Variants in DTNBP1 observed in about 807,000 individuals in gnomAD.
DTNBP1 encodes dysbindin.
A neutral mutation model predicts 42.8 loss-of-function variants in DTNBP1; 35 were observed. That is an observed-to-expected ratio of 0.82 (90% CI 0.63 to 1.09). The LOEUF (loss-of-function observed/expected upper bound fraction) is 1.09. Among genes scored for constraint, DTNBP1 ranks in the 50% least tolerant of loss-of-function variants. The probability of loss-of-function intolerance (pLI) is 0.00; values close to 1 mark genes in which losing one functional copy is unlikely to be tolerated. For missense variants in DTNBP1, 457 were observed against 424.2 expected, an observed-to-expected ratio of 1.08 and a Z score of -0.68; for synonymous variants, 171 against 162.2, an observed-to-expected ratio of 1.05 and a Z score of -0.41.
intron 7 of DTNBP1, among the ~76,000 whole-genome samples, chr6:15,543,957 T>C (rs920115607): frequency 1.3e-5 from 2 of 152,230 alleles, no homozygotes; most frequent in Admixed American, 1.3e-4. Context: ...TTGTCTGGTG[T>C]GCTCTCGCCA....
intron 7 of DTNBP1, among the ~76,000 whole-genome samples, chr6:15,536,927 T>C (rs1387614543): frequency 1.3e-5 from 2 of 152,216 alleles, no homozygotes; most frequent in Admixed American, 6.5e-5. Flanking sequence ...GCTTTAAGAT[T>C]TAATGACTGC....
intron 8 of DTNBP1, among the ~76,000 whole-genome samples, chr6:15,530,573 C>G (rs537700387): frequency 6.6e-6 from 1 of 152,274 alleles, no homozygotes; most frequent in African/African-American, 2.4e-5. Flanking sequence ...TGTGGAGCAA[C>G]TGCAGTACGT....
chr6:15,599,224 A>G (rs756671651), intron 6 of DTNBP1, among the ~76,000 whole-genome samples: 15 of 152,214 alleles, frequency 9.9e-5, no homozygotes, highest in Non-Finnish European at 1.8e-4. Context: ...GAAAGATGAG[A>G]CAGGGGTAAG....
intron 4 of DTNBP1, among the ~76,000 whole-genome samples, chr6:15,631,484 A>G (rs1759691584): frequency 1.3e-5 from 2 of 152,226 alleles, no homozygotes; most frequent in East Asian, 3.8e-4. Context: ...CATGGGATTC[A>G]TACATATTGA....
intron 7 of DTNBP1, among the ~76,000 whole-genome samples, chr6:15,590,690 A>G (rs1257648257): frequency 6.6e-6 from 1 of 152,216 alleles, no homozygotes; most frequent in Non-Finnish European, 1.5e-5. Context: ...ACACAGAAAA[A>G]TTTCCTACTG....
At chr6:15,577,955 A>G (rs1215016160) in intron 7 of DTNBP1, among the ~76,000 whole-genome samples, 1 of 152,204 alleles carries the variant, frequency 6.6e-6, no homozygotes, top group Admixed American at 6.5e-5. Flanking sequence ...TTTATTAGTC[A>G]TGTGTTTACT....
chr6:15,620,765 A>G (rs866726287), intron 5 of DTNBP1, among the ~76,000 whole-genome samples: 17 of 152,326 alleles, frequency 1.1e-4, no homozygotes, highest in South Asian at 2.1e-4. Flanking sequence ...TGCTTAGCAT[A>G]TGGGGGACGG....
intron 5 of DTNBP1, among the ~76,000 whole-genome samples, chr6:15,624,225 A>G (rs1759211520): frequency 6.6e-6 from 1 of 152,226 alleles, no homozygotes. Flanking sequence ...TAAAGCTTGG[A>G]GCCATTGAGA....
chr6:15,661,645 C>CAAAAAA (rs200190961), intron 1 of DTNBP1, among the ~76,000 whole-genome samples: 1 of 67,208 alleles, frequency 1.5e-5, no homozygotes, highest in Non-Finnish European at 2.7e-5. Context: ...GACTCCATCT[C>CAAAAAA]AAAAAAAAGG....
chr6:15,524,408 G>T, intron 9 of DTNBP1, 118 bp downstream of exon 9: 2 of 1,614,194 alleles, frequency 1.2e-6, no homozygotes, highest in Non-Finnish European at 1.7e-6. Context: ...CCAGGAGCTG[G>T]CTGTGAGCTT....
chr6:15,654,609 T>C (rs1230126403), intron 1 of DTNBP1, among the ~76,000 whole-genome samples: 2 of 152,128 alleles, frequency 1.3e-5, no homozygotes, highest in African/African-American at 4.8e-5. Context: ...TCTGCCCCCC[T>C]ACCCCATCTC....
chr6:15,580,627 ATGTG>A (rs1016576427), intron 7 of DTNBP1, among the ~76,000 whole-genome samples: 9 of 152,188 alleles, frequency 5.9e-5, no homozygotes, highest in African/African-American at 2.2e-4. Flanking sequence ...ATGTCTATAT[ATGTG>A]TGTGTGTATA....
chr6:15,528,583 T>G (rs1397452230), intron 8 of DTNBP1, among the ~76,000 whole-genome samples: 2 of 152,030 alleles, frequency 1.3e-5, no homozygotes, highest in African/African-American at 2.4e-5. Flanking sequence ...CTGCCAAAGG[T>G]GTCGTTTCAT....
In DTNBP1 at chr6:15,614,173, C is replaced by T. The variant is rs201875052; in HGVS notation, c.488+1094G>A. Among the ~76,000 whole-genome samples, 68 of 152,242 alleles carry T rather than the reference C, an allele frequency of 4.5e-4. No individual in the cohort carries two copies. In the South Asian group the frequency reaches 0.014, roughly 31 times the overall value. ...ATTCATTTCTGCCTCATCCCTTGGC[C>T]TCATTCTAGAAGATTTTAACATCAA... On this transcript the variant is annotated intron_variant, in intron 6 of 9. Coordinates refer to ENST00000344537, the MANE Select transcript of DTNBP1 (RefSeq NM_032122.5).
At chr6:15,574,555 T>C (rs1299760682) in intron 7 of DTNBP1, among the ~76,000 whole-genome samples, 1 of 152,220 alleles carries the variant, frequency 6.6e-6, no homozygotes, top group Non-Finnish European at 1.5e-5. Context: ...GCTCTGAGCA[T>C]ATTGTTTTCA....
At chr6:15,575,504 C>G (rs891443337) in intron 7 of DTNBP1, among the ~76,000 whole-genome samples, 1 of 152,130 alleles carries the variant, frequency 6.6e-6, no homozygotes, top group Non-Finnish European at 1.5e-5. Flanking sequence ...CACAAAGGAA[C>G]AAATTAATGG....
chr6:15,624,694 T>C (rs1307060859), intron 5 of DTNBP1, among the ~76,000 whole-genome samples: 1 of 152,164 alleles, frequency 6.6e-6, no homozygotes, highest in African/African-American at 2.4e-5. Context: ...TGTGACTAAA[T>C]ATAATCGGTT....
At chr6:15,586,249 T>C (rs909938673) in intron 7 of DTNBP1, among the ~76,000 whole-genome samples, 1 of 152,210 alleles carries the variant, frequency 6.6e-6, no homozygotes, top group African/African-American at 2.4e-5. Context: ...ATTTTTAATG[T>C]AGCATTAGCC....
chr6:15,622,816 T>C (rs1180939048), intron 5 of DTNBP1, among the ~76,000 whole-genome samples: 2 of 152,252 alleles, frequency 1.3e-5, no homozygotes, highest in Non-Finnish European at 2.9e-5. Flanking sequence ...GGAATTTTTC[T>C]TTGTGCCATT....
Sources: gnomAD v4.1 joint callset for allele counts (sites outside exome capture counted in the v4.1 genomes callset) on GRCh38, gnomAD v4.1.1 for gene constraint, MANE v1.5 for transcripts, NCBI Gene and HGNC (gene_info 2026-07-23, HGNC 2026-07-21) for gene names.